ARMH3: variants seen among roughly 807,000 people sequenced by gnomAD.
ARMH3 encodes the protein armadillo like helical domain containing 3.
Under a neutral mutation model 99.1 loss-of-function variants are expected in ARMH3, and 60 were observed. That is an observed-to-expected ratio of 0.61 (90% CI 0.49 to 0.75). The LOEUF (loss-of-function observed/expected upper bound fraction) is 0.75. Among genes scored for constraint, ARMH3 ranks in the 30% least tolerant of loss-of-function variants. The pLI is 0.00. For synonymous variants in ARMH3, 285 were observed against 292.8 expected (o/e 0.97, Z 0.27); for missense variants, 679 against 843.1 (o/e 0.81, Z 2.41).
intron 22 of ARMH3, among the ~76,000 whole-genome samples, chr10:101,946,001 T>G (rs949058247): frequency 7.3e-6 from 1 of 137,472 alleles, no homozygotes; most frequent in African/African-American, 2.8e-5. Context: ...AAGAATCGCT[T>G]GAACCCAGGA....
Position 101,992,055 on chromosome 10 carries a change from T to C in ARMH3, c.1276-17A>G. 3 of 1,610,326 alleles carry C rather than the reference T, an allele frequency of 1.9e-6. No homozygotes were observed. Among genetic ancestry groups the C allele is most frequent in the Non-Finnish European group, 2.5e-6 (3 of 1,176,656 alleles). The stretch of plus-strand genomic sequence containing the variant: ...TCTCATAGGCTTCACACCAAAAAAA[T>C]GAAGAAAGGAAATTAGTAGACACCG... On this transcript the variant is annotated splice_polypyrimidine_tract_variant and intron_variant, in intron 17 of 25. Coordinates refer to ENST00000370033, the MANE Select transcript of ARMH3 (RefSeq NM_024541.3).
At chr10:101,958,925 G>C (rs1235062853) in intron 20 of ARMH3, among the ~76,000 whole-genome samples, 2 of 152,142 alleles carry the variant, frequency 1.3e-5, no homozygotes, top group African/African-American at 4.8e-5. Context: ...CAGCAGGCAA[G>C]GAAAGTACAA....
chr10:101,889,131 T>A (rs1270237228), intron 24 of ARMH3, among the ~76,000 whole-genome samples: 1 of 152,184 alleles, frequency 6.6e-6, no homozygotes, highest in Non-Finnish European at 1.5e-5. Context: ...CCTAAAATTT[T>A]AAAAAAAGAA....
chr10:101,948,884 C>T (rs1844668097), intron 22 of ARMH3, among the ~76,000 whole-genome samples: 1 of 151,844 alleles, frequency 6.6e-6, no homozygotes. Context: ...TGAAATAATA[C>T]AAACAATATT....
intron 24 of ARMH3, among the ~76,000 whole-genome samples, chr10:101,881,962 A>AGATCTT (rs1416489905): frequency 6.6e-6 from 1 of 152,128 alleles, no homozygotes; most frequent in Non-Finnish European, 1.5e-5. Context: ...TTGTCTGCAG[A>AGATCTT]GATCTTTCCC....
intron 23 of ARMH3, among the ~76,000 whole-genome samples, chr10:101,933,534 T>A (rs1211714615): frequency 6.6e-6 from 1 of 152,216 alleles, no homozygotes; most frequent in Admixed American, 6.5e-5. Context: ...GTTTTTTAAT[T>A]CTAGCTGTAG....
intron 22 of ARMH3, among the ~76,000 whole-genome samples, chr10:101,946,812 C>T (rs1844552154): frequency 6.6e-6 from 1 of 151,766 alleles, no homozygotes; most frequent in African/African-American, 2.4e-5. Context: ...CTCAGCAAAC[C>T]CCAAATAGGA....
chr10:102,003,729 A>C (rs2136072171), intron 14 of ARMH3, among the ~76,000 whole-genome samples: 1 of 152,358 alleles, frequency 6.6e-6, no homozygotes, highest in Middle Eastern at 3.4e-3. Flanking sequence ...GAGAACATTT[A>C]TGAACAGTGA....
chr10:101,946,676 G>C (rs913810451), intron 22 of ARMH3, among the ~76,000 whole-genome samples: 4 of 152,062 alleles, frequency 2.6e-5, no homozygotes, highest in African/African-American at 9.7e-5. Context: ...GGACAATATG[G>C]AAAAGTCTAA....
chr10:101,971,399 T>C (rs541065920), intron 20 of ARMH3, among the ~76,000 whole-genome samples: 2 of 152,104 alleles, frequency 1.3e-5, no homozygotes, highest in Non-Finnish European at 2.9e-5. Context: ...GCCAACATGG[T>C]AAAACTCCAT....
At chr10:101,879,586 A>C (rs2067359877) in intron 24 of ARMH3, among the ~76,000 whole-genome samples, 1 of 152,118 alleles carries the variant, frequency 6.6e-6, no homozygotes, top group South Asian at 2.1e-4. Flanking sequence ...TCCTGGCCCC[A>C]GTTGATCCGC....
At chr10:102,009,625 A>G (rs762382512) in intron 12 of ARMH3, among the ~76,000 whole-genome samples, 176 bp from the exon 13 acceptor site, 5 of 152,212 alleles carry the variant, frequency 3.3e-5, no homozygotes, top group Non-Finnish European at 7.3e-5. Context: ...GGCAGGAGTC[A>G]GGGCCTTCAC....
chr10:102,036,700 C>G (rs1298437784), intron 2 of ARMH3, among the ~76,000 whole-genome samples: 1 of 151,992 alleles, frequency 6.6e-6, no homozygotes, highest in African/African-American at 2.4e-5. Flanking sequence ...GTCATCACCA[C>G]TCCCTAATCT....
At chr10:102,010,625 A>G (rs536366212) in intron 11 of ARMH3, among the ~76,000 whole-genome samples, 12 of 152,348 alleles carry the variant, frequency 7.9e-5, no homozygotes, top group African/African-American at 2.4e-4. Flanking sequence ...CAGAAGCACT[A>G]AGATGCCTAC....
intron 25 of ARMH3, among the ~76,000 whole-genome samples, chr10:101,849,077 C>A (rs182052450): frequency 6.6e-6 from 1 of 152,290 alleles, no homozygotes; most frequent in East Asian, 1.9e-4. Context: ...TCAGCCCCAG[C>A]AGAGGGAGGT....
Position 102,033,165 on chromosome 10 carries a change from A to C in ARMH3, c.167T>G (p.Leu56Ter), listed in dbSNP as rs1447230301. ...WEELFLMKVN[L>*]EYLEGKLESL... ...TTCCAGCTTGCCTTCTAGGTACTCT[A>C]AATTCACCTGCCAAGGAAACAAATA... The change falls in exon 4 of 26, where the codon TTA (leucine) becomes TGA (stop). Residue 56 changes from leucine (L) to a stop codon, truncating the protein, a stop_gained. Coordinates refer to ENST00000370033, the MANE Select transcript of ARMH3 (RefSeq NM_024541.3). LOFTEE classifies it high-confidence loss of function. 2.5e-6 allele frequency: 4 copies of C among 1,614,206 alleles called. No homozygotes were observed. Among genetic ancestry groups the C allele is most frequent in the Non-Finnish European group, 3.4e-6 (4 of 1,180,026 alleles).
intron 22 of ARMH3, among the ~76,000 whole-genome samples, chr10:101,944,269 TATATAGAGAGAGAGAG>T (rs1844395423): frequency 4.4e-5 from 2 of 44,944 alleles, no homozygotes; most frequent in African/African-American, 2.3e-4. Context: ...TATATATATA[TATATAGAGAGAGAGAG>T]AGAGAGAGAG....
At chr10:101,858,578 A>G (rs1032241061) in intron 24 of ARMH3, among the ~76,000 whole-genome samples, 2 of 152,142 alleles carry the variant, frequency 1.3e-5, no homozygotes, top group Non-Finnish European at 2.9e-5. Context: ...CTTCCCTTTC[A>G]ACCCCATCCA....
At chr10:101,899,512 CT>C (rs2067922388) in intron 23 of ARMH3, among the ~76,000 whole-genome samples, 1 of 152,168 alleles carries the variant, frequency 6.6e-6, no homozygotes, top group African/African-American at 2.4e-5. Flanking sequence ...TCATGCAGTA[CT>C]AAGCTTCCTT....
Sources: gnomAD v4.1 joint callset for allele counts (sites outside exome capture counted in the v4.1 genomes callset) on GRCh38, gnomAD v4.1.1 for gene constraint, MANE v1.5 for transcripts, NCBI Gene and HGNC (gene_info 2026-07-23, HGNC 2026-07-21) for gene names.